The following DGKB variants were observed in gnomAD, a reference collection of about 807,000 sequenced individuals.
The protein encoded by DGKB is 90 kDa diacylglycerol kinase.
In DGKB, 67 loss-of-function variants were observed where a neutral mutation model predicts 114.3. That is an observed-to-expected ratio of 0.59 (90% CI 0.48 to 0.72). DGKB has a LOEUF of 0.72. DGKB is among the 30% of genes least tolerant of loss of function. DGKB has a pLI of 0.00. For synonymous variants in DGKB, 398 were observed against 323.1 expected (o/e 1.23, Z -2.49); for missense variants, 907 against 975.2 (o/e 0.93, Z 0.93).
intron 4 of DGKB, among the ~76,000 whole-genome samples, chr7:14,737,985 G>A (rs1429620967): frequency 6.6e-6 from 1 of 151,746 alleles, no homozygotes; most frequent in Non-Finnish European, 1.5e-5. Flanking sequence ...GTGAAGAATA[G>A]CCTCAGGTAG....
intron 25 of DGKB, among the ~76,000 whole-genome samples, chr7:14,151,419 G>A (rs571746213): frequency 5.0e-4 from 74 of 148,722 alleles, no homozygotes; most frequent in Non-Finnish European, 1.0e-3. Flanking sequence ...TTTTTTTGGC[G>A]GGGGCATATA....
chr7:14,152,622 A>G (rs899588144), intron 25 of DGKB, among the ~76,000 whole-genome samples: 2 of 152,124 alleles, frequency 1.3e-5, no homozygotes, highest in African/African-American at 4.8e-5. Context: ...GTTTCAAATT[A>G]AGACTGGCCA....
intron 1 of DGKB, among the ~76,000 whole-genome samples, chr7:14,919,087 C>A (rs866281279): frequency 3.1e-4 from 37 of 119,962 alleles, no homozygotes; most frequent in African/African-American, 1.3e-3. Context: ...CACACACACA[C>A]ACACACAAAC....
intron 23 of DGKB, among the ~76,000 whole-genome samples, chr7:14,208,196 T>A (rs1787144912): frequency 6.6e-6 from 1 of 152,044 alleles, no homozygotes; most frequent in African/African-American, 2.4e-5. Context: ...CATTTAGTGC[T>A]ATGCTTGGCC....
At chr7:14,864,144 A>C (rs775103296) in intron 1 of DGKB, among the ~76,000 whole-genome samples, 1 of 151,650 alleles carries the variant, frequency 6.6e-6, no homozygotes, top group Non-Finnish European at 1.5e-5. Context: ...GGAAAATTGA[A>C]ATTATTGGAA....
At chr7:14,199,629 G>A (rs1785532707) in intron 23 of DGKB, among the ~76,000 whole-genome samples, 1 of 151,970 alleles carries the variant, frequency 6.6e-6, no homozygotes, top group Admixed American at 6.6e-5. Context: ...TAGGCATAAG[G>A]CATTGTAGAG....
chr7:14,623,392 A>G (rs905011792), intron 14 of DGKB, among the ~76,000 whole-genome samples: 1 of 152,202 alleles, frequency 6.6e-6, no homozygotes, highest in Non-Finnish European at 1.5e-5. Context: ...TAACTGAGAA[A>G]TGTTTTACAT....
At chr7:14,480,914 G>A (rs13229669) in intron 20 of DGKB, among the ~76,000 whole-genome samples, 7 of 151,934 alleles carry the variant, frequency 4.6e-5, no homozygotes, top group Non-Finnish European at 1.0e-4. Context: ...AAAGTTAAAT[G>A]AGAATGCTAA....
intron 23 of DGKB, among the ~76,000 whole-genome samples, chr7:14,215,412 A>T (rs910713722): frequency 6.6e-6 from 1 of 151,812 alleles, no homozygotes; most frequent in African/African-American, 2.4e-5. Context: ...AATATTATTC[A>T]TTCTTCCTCT....
intron 23 of DGKB, among the ~76,000 whole-genome samples, chr7:14,211,185 C>T (rs905899061): frequency 1.3e-5 from 2 of 152,056 alleles, no homozygotes; most frequent in East Asian, 1.9e-4. Context: ...CATATCTTCA[C>T]GCTGCTAAAA....
chr7:14,662,807 A>C (rs1418564740), intron 13 of DGKB, among the ~76,000 whole-genome samples: 1 of 151,940 alleles, frequency 6.6e-6, no homozygotes, highest in African/African-American at 2.4e-5. Context: ...TTATATATTA[A>C]TTGTAATTCT....
intron 21 of DGKB, among the ~76,000 whole-genome samples, chr7:14,376,029 A>G (rs990613388): frequency 2.6e-5 from 4 of 152,192 alleles, no homozygotes; most frequent in Non-Finnish European, 4.4e-5. Flanking sequence ...GACCATGCAA[A>G]TTGTATACAG....
intron 13 of DGKB, among the ~76,000 whole-genome samples, chr7:14,643,302 C>T (rs1455772885): frequency 6.6e-6 from 1 of 152,142 alleles, no homozygotes; most frequent in African/African-American, 2.4e-5. Flanking sequence ...TCTGCCCTCA[C>T]AGACCCCGAG....
At chr7:14,699,331 T>A (rs560032979) in intron 7 of DGKB, among the ~76,000 whole-genome samples, 1 of 152,284 alleles carries the variant, frequency 6.6e-6, no homozygotes, top group South Asian at 2.1e-4. Flanking sequence ...TATGCCTTAA[T>A]GGTTTGGAAG....
At chr7:14,371,870 T>C (rs1029695807) in intron 21 of DGKB, among the ~76,000 whole-genome samples, 3 of 152,188 alleles carry the variant, frequency 2.0e-5, no homozygotes, top group African/African-American at 7.2e-5. Context: ...TTTCCACAGT[T>C]CTGGCTGTGG....
intron 20 of DGKB, among the ~76,000 whole-genome samples, chr7:14,526,237 G>A (rs762593902): frequency 1.3e-5 from 2 of 152,070 alleles, no homozygotes; most frequent in African/African-American, 4.8e-5. Flanking sequence ...GACAGTCTGA[G>A]CCGGATTCTT....
At chr7:14,586,335 A>G (rs1258227625) in intron 17 of DGKB, among the ~76,000 whole-genome samples, 1 of 148,938 alleles carries the variant, frequency 6.7e-6, no homozygotes, top group African/African-American at 2.5e-5. Context: ...CCAAGTCCAG[A>G]GCAAGCCCCT....
intron 23 of DGKB, among the ~76,000 whole-genome samples, chr7:14,182,123 T>TA (rs1354135537): frequency 1.3e-5 from 2 of 152,150 alleles, no homozygotes; most frequent in Non-Finnish European, 2.9e-5. Context: ...TTATAGTTGT[T>TA]ACAATATTTC....
intron 20 of DGKB, among the ~76,000 whole-genome samples, chr7:14,563,061 G>A (rs1388022045): frequency 6.6e-6 from 1 of 152,112 alleles, no homozygotes; most frequent in Admixed American, 6.5e-5. Context: ...TTGTGATAGT[G>A]AATAAGTGTC....
Sources: allele counts gnomAD v4.1 joint callset (sites outside exome capture counted in the v4.1 genomes callset), GRCh38; gene constraint gnomAD v4.1.1; transcripts MANE v1.5; gene names NCBI Gene and HGNC (gene_info 2026-07-23, HGNC 2026-07-21).